Variants in TTC6 observed in about 807,000 individuals in gnomAD.
The protein encoded by TTC6 is tetratricopeptide repeat domain 6, also known as tetratricopeptide repeat protein 6.
A neutral mutation model predicts 210.4 loss-of-function variants in TTC6; 172 were observed. The observed-to-expected ratio is 0.82, with a 90% CI of 0.72 to 0.93. The LOEUF (loss-of-function observed/expected upper bound fraction) is 0.93. Ranked by LOEUF, TTC6 falls within the 40% of genes least tolerant of loss-of-function variation. The pLI, the probability that TTC6 is intolerant of heterozygous loss-of-function variation, is 0.00. For synonymous variants in TTC6, 804 were observed against 819.6 expected, an observed-to-expected ratio of 0.98 and a Z score of 0.32; for missense variants, 2,414 against 2,318.1, an observed-to-expected ratio of 1.04 and a Z score of -0.85.
intron 14 of TTC6, among the ~76,000 whole-genome samples, chr14:37,762,666 G>C (rs1462639689): frequency 6.6e-6 from 1 of 152,074 alleles, no homozygotes; most frequent in Non-Finnish European, 1.5e-5. Context: ...CTCCCATTCT[G>C]AAGGTTGCTT....
At chr14:37,792,495 A>G (rs555547127) in intron 17 of TTC6, 81 bp downstream of exon 19, 19 of 1,187,370 alleles carry the variant, frequency 1.6e-5, no homozygotes, top group Non-Finnish European at 5.5e-6. Context: ...TTTAATATAT[A>G]TACATATTTT....
chr14:37,615,134 A>G (rs757477447), intron 2 of TTC6, among the ~76,000 whole-genome samples: 1 of 152,142 alleles, frequency 6.6e-6, no homozygotes, highest in African/African-American at 2.4e-5. Flanking sequence ...TGAGAAGTCC[A>G]TGGTCTTTGA....
intron 7 of TTC6, among the ~76,000 whole-genome samples, chr14:37,726,245 G>A (rs1018224903): frequency 3.3e-5 from 5 of 152,082 alleles, no homozygotes; most frequent in African/African-American, 1.2e-4. Flanking sequence ...AAGAAATTGT[G>A]GGGAAAACAT....
At chr14:37,818,614 C>G (rs2096147985) in intron 26 of TTC6, among the ~76,000 whole-genome samples, 1 of 151,930 alleles carries the variant, frequency 6.6e-6, no homozygotes, top group South Asian at 2.1e-4. Flanking sequence ...TCTTTGAGGA[C>G]ATATATAGTA....
chr14:37,608,980 A>G (rs1461387913), intron 2 of TTC6, among the ~76,000 whole-genome samples: 2 of 152,222 alleles, frequency 1.3e-5, no homozygotes, highest in African/African-American at 4.8e-5. Context: ...TTTGAGTCTA[A>G]TTCCCCTCTC....
chr14:37,826,098 AC>A lies in TTC6; in HGVS notation c.4975-94del, dbSNP rs1340893469. On this transcript the variant is annotated intron_variant, in intron 27 of 30. Coordinates refer to ENST00000553443, the Ensembl canonical transcript of TTC6. ...CTTAGATTTAGCATGGCATAAATAT[AC>A]CCTTACTAAAGGTTTTATTTGATGG... 2.4e-6 allele frequency: 3 copies of A among 1,264,388 alleles called. No individual in the cohort carries two copies. In the African/African-American group the frequency reaches 4.5e-5, roughly 19 times the overall value. The allele number at this position is 1,264,388 out of a possible 1,614,324, so 78.3% of individuals were successfully genotyped here.
At position 37,775,566 on chromosome 14, in the gene TTC6, A is replaced by G. The variant is rs146219531; in HGVS notation, c.3267-11902A>G. ...AGCAATTTTCTTAGTATTGATTTAT[A>G]TTTTTACTGTGCTGTGGTCCAAGAG... is the stretch of plus-strand genomic sequence containing the variant. On this transcript the variant is annotated intron_variant, in intron 14 of 30. Transcript: ENST00000553443. Among the ~76,000 whole-genome samples, 804 of 152,106 alleles carry G rather than the reference A, an allele frequency of 5.3e-3. 4 individuals are homozygous for G. Among genetic ancestry groups the G allele is most frequent in the Non-Finnish European group, 8.3e-3 (562 of 67,952 alleles).
intron 20 of TTC6, among the ~76,000 whole-genome samples, chr14:37,797,319 T>G (rs2096095007): frequency 6.6e-6 from 1 of 152,078 alleles, no homozygotes; most frequent in South Asian, 2.1e-4. Flanking sequence ...GGTCTGCATC[T>G]TTTACAATAA....
intron 28 of TTC6, among the ~76,000 whole-genome samples, chr14:37,826,963 G>A (rs1029820116): frequency 2.0e-5 from 3 of 152,050 alleles, no homozygotes; most frequent in Non-Finnish European, 2.9e-5. Flanking sequence ...AAGGAACTGA[G>A]TGAAAAAACA....
At chr14:37,663,784 T>C (rs1315214530) in intron 1 of TTC6, among the ~76,000 whole-genome samples, 2 of 152,044 alleles carry the variant, frequency 1.3e-5, no homozygotes, top group Non-Finnish European at 2.9e-5. Context: ...CTTCTTACAT[T>C]GATAAGCAAC....
chr14:37,622,502 C>G (rs1253347235), exon 1 of TTC6: 1 of 1,535,276 alleles, frequency 6.5e-7, no homozygotes, highest in East Asian at 2.5e-5. Context: ...TCGGCACGGC[C>G]AGACCCGTGG....
chr14:37,701,029 G>A (rs1280619454), intron 4 of TTC6, among the ~76,000 whole-genome samples: 1 of 152,104 alleles, frequency 6.6e-6, no homozygotes, highest in African/African-American at 2.4e-5. Flanking sequence ...GAGAGAAGAG[G>A]TTGGGGTGGG....
intron 1 of TTC6, among the ~76,000 whole-genome samples, chr14:37,662,290 A>G (rs12878633): frequency 0.057 from 8,698 of 152,228 alleles, 382 homozygotes; most frequent in Non-Finnish European, 0.089. Context: ...CTGTGGGTTT[A>G]TCATAAATGG....
intron 15 of TTC6, 29 bp from the exon 18 acceptor site, chr14:37,790,688 A>G: frequency 6.6e-7 from 1 of 1,514,416 alleles, no homozygotes; most frequent in Non-Finnish European, 8.9e-7. Flanking sequence ...TAGAACCTGA[A>G]TGAAATACAT....
At chr14:37,665,008 G>C (rs1194054573) in intron 1 of TTC6, among the ~76,000 whole-genome samples, 1 of 150,632 alleles carries the variant, frequency 6.6e-6, no homozygotes, top group East Asian at 1.9e-4. Flanking sequence ...ACAGTTGCTG[G>C]AGAGGTTGTG....
At chr14:37,823,830 G>A (rs202072275) in exon 27 of TTC6, 37 of 1,613,790 alleles carry the variant, frequency 2.3e-5, no homozygotes, top group East Asian at 1.1e-4. Context: ...TATGTTGGAC[G>A]GGGAAATTCT....
intron 2 of TTC6, among the ~76,000 whole-genome samples, chr14:37,612,217 C>G (rs77336086): frequency 6.6e-6 from 1 of 152,144 alleles, no homozygotes; most frequent in Non-Finnish European, 1.5e-5. Context: ...CCTCTTTGCT[C>G]TTCATCCCTG....
chr14:37,630,907 GTTTTTTTTTTTTTTTTTTTT>G (rs746429138), intron 1 of TTC6, among the ~76,000 whole-genome samples: 12 of 33,070 alleles, frequency 3.6e-4, no homozygotes, highest in African/African-American at 1.3e-3. Flanking sequence ...GGCAACCCCT[GTTTTTTTTTTTTTTTTTTTT>G]TTTTTTTTTT....
At chr14:37,649,852 C>G (rs1004614506) in intron 1 of TTC6, among the ~76,000 whole-genome samples, 1 of 152,186 alleles carries the variant, frequency 6.6e-6, no homozygotes, top group Admixed American at 6.5e-5. Context: ...TACCCTATTA[C>G]TCCTGTATTC....
Sources: gnomAD v4.1 joint callset for allele counts (sites outside exome capture counted in the v4.1 genomes callset) on GRCh38, gnomAD v4.1.1 for gene constraint, MANE v1.5 for transcripts, NCBI Gene and HGNC (gene_info 2026-07-23, HGNC 2026-07-21) for gene names.